CEP57L1: variants seen among roughly 807,000 people sequenced by gnomAD.
CEP57L1 encodes the protein centrosomal protein CEP57L1.
CEP57L1 carries 37 observed loss-of-function variants against 61.0 expected under a neutral mutation model. That is an observed-to-expected ratio of 0.61 (90% CI 0.47 to 0.80). The LOEUF (loss-of-function observed/expected upper bound fraction) is 0.80, where lower values mean the gene tolerates loss of function less well. Among genes scored for constraint, CEP57L1 ranks in the 30% least tolerant of loss-of-function variants. The probability of loss-of-function intolerance (pLI) is 0.00; values close to 1 mark genes in which losing one functional copy is unlikely to be tolerated. For missense variants in CEP57L1, 422 were observed against 524.7 expected (o/e 0.80, Z 1.91); for synonymous variants, 137 against 162.3 (o/e 0.84, Z 1.19).
At chr6:109,152,207 T>G (rs1772687943) in intron 4 of CEP57L1, among the ~76,000 whole-genome samples, 1 of 152,050 alleles carries the variant, frequency 6.6e-6, no homozygotes, top group Non-Finnish European at 1.5e-5. Context: ...GGAGTCAGAG[T>G]TTCACTCTTG....
At chr6:109,147,607 G>A (rs893327913) in intron 3 of CEP57L1, among the ~76,000 whole-genome samples, 1 of 152,086 alleles carries the variant, frequency 6.6e-6, no homozygotes, top group Non-Finnish European at 1.5e-5. Flanking sequence ...ATATTTCTGA[G>A]GTAATTGGAC....
At chr6:109,114,295 T>C (rs1235827002) in intron 1 of CEP57L1, among the ~76,000 whole-genome samples, 1 of 152,194 alleles carries the variant, frequency 6.6e-6, no homozygotes, top group African/African-American at 2.4e-5. Context: ...AATTTTCATT[T>C]CTTTGATGAT....
At chr6:109,111,414 G>A (rs750450929) in intron 1 of CEP57L1, among the ~76,000 whole-genome samples, 2 of 152,300 alleles carry the variant, frequency 1.3e-5, no homozygotes, top group Middle Eastern at 3.4e-3. Flanking sequence ...AGCTTAAGGA[G>A]ATTTTGGGCT....
chr6:109,144,429 G>A (rs1771746177), intron 1 of CEP57L1, among the ~76,000 whole-genome samples: 2 of 152,132 alleles, frequency 1.3e-5, no homozygotes, highest in South Asian at 4.1e-4. Flanking sequence ...ATCACCTTAT[G>A]TGATTATGAA....
At chr6:109,113,227 T>C (rs1161664870) in intron 1 of CEP57L1, among the ~76,000 whole-genome samples, 2 of 151,982 alleles carry the variant, frequency 1.3e-5, no homozygotes, top group African/African-American at 2.4e-5. Context: ...GGTATCTTTA[T>C]TTCTTTAAGC....
intron 1 of CEP57L1, among the ~76,000 whole-genome samples, chr6:109,098,514 A>C (rs1209053167): frequency 1.3e-5 from 2 of 152,082 alleles, no homozygotes; most frequent in Non-Finnish European, 2.9e-5. Flanking sequence ...AGCTCACTGC[A>C]TCCTTGAACT....
At chr6:109,161,479 A>G (rs1371147527) in intron 10 of CEP57L1, among the ~76,000 whole-genome samples, 1 of 152,148 alleles carries the variant, frequency 6.6e-6, no homozygotes, top group Non-Finnish European at 1.5e-5. Flanking sequence ...TAAGTTAGTG[A>G]TATATGAATG....
rs533412499 is a variant in CEP57L1 at position 109,173,411 on chromosome 6, G to A, written c.*10441G>A. Among the ~76,000 whole-genome samples the A allele has an allele frequency of 6.8e-5, 10 of 147,170 alleles. No individual in the cohort carries two copies. In the East Asian group the frequency reaches 1.4e-3, roughly 21 times the overall value. ...CTTTCCTTTCCTTCCCCCTCAGCCC[G>A]CCCCCTACCTTTCTTTTTTTTTTTT... On this transcript the variant is annotated 3_prime_UTR_variant, in exon 11 of 11. Transcript: ENST00000517392.
At chr6:109,135,784 CAT>C (rs200666346) in intron 1 of CEP57L1, among the ~76,000 whole-genome samples, 16,674 of 152,220 alleles carry the variant, frequency 0.11, 988 homozygotes, top group Middle Eastern at 0.21. Flanking sequence ...CAAAAGGAGA[CAT>C]GTATGCAGCC....
chr6:109,165,434 A>T lies in CEP57L1; in HGVS notation c.*2464A>T, dbSNP rs1195128614. On this transcript the variant is annotated 3_prime_UTR_variant, in exon 11 of 11. Coordinates refer to ENST00000517392, the MANE Select transcript of CEP57L1 (RefSeq NM_001271852.3). ...AGTGGCAAAAAAAAAAAAAAAATGTAGAACACATGTTTGCATGGGTTGAAG... is the reference window on the plus strand; with the variant it reads ...AGTGGCAAAAAAAAAAAAAAAATGTTGAACACATGTTTGCATGGGTTGAAG... 1.3e-5 allele frequency among the ~76,000 whole-genome samples: 2 copies of T among 151,860 alleles called. No individual in the cohort carries two copies. The highest frequency in any genetic ancestry group is 2.9e-5 in the Non-Finnish European group (2 of 67,958).
At chr6:109,136,371 C>T (rs961741812) in intron 1 of CEP57L1, among the ~76,000 whole-genome samples, 1 of 152,096 alleles carries the variant, frequency 6.6e-6, no homozygotes, top group Admixed American at 6.5e-5. Flanking sequence ...ACAATGAGAA[C>T]ACTTGGACAC....
intron 1 of CEP57L1, among the ~76,000 whole-genome samples, chr6:109,102,349 C>T (rs1770409647): frequency 6.6e-6 from 1 of 152,192 alleles, no homozygotes; most frequent in African/African-American, 2.4e-5. Flanking sequence ...CATGCACCTC[C>T]ACGCTCAGCT....
At chr6:109,123,412 C>A (rs1207925462) in intron 1 of CEP57L1, among the ~76,000 whole-genome samples, 1 of 152,160 alleles carries the variant, frequency 6.6e-6, no homozygotes, top group African/African-American at 2.4e-5. Context: ...AGTTACTTAA[C>A]TTCTCAGATG....
At chr6:109,113,623 T>C (rs1233802209) in intron 1 of CEP57L1, among the ~76,000 whole-genome samples, 1 of 152,214 alleles carries the variant, frequency 6.6e-6, no homozygotes, top group Non-Finnish European at 1.5e-5. Context: ...CATTATTTTA[T>C]GTATCACAAA....
At chr6:109,149,118 G>C (rs1379998736) in intron 3 of CEP57L1, among the ~76,000 whole-genome samples, 2 of 152,154 alleles carry the variant, frequency 1.3e-5, no homozygotes, top group African/African-American at 4.8e-5. Context: ...AAGCTCTTTA[G>C]TTTAATCAGA....
chr6:109,149,737 C>G (rs1191465988), intron 3 of CEP57L1, among the ~76,000 whole-genome samples: 2 of 152,082 alleles, frequency 1.3e-5, no homozygotes, highest in African/African-American at 2.4e-5. Flanking sequence ...GATATTGATT[C>G]TTCCTACCCA....
Position 109,172,165 on chromosome 6 carries a change from TAGAC to T in CEP57L1, c.*9200_*9203del. Among the ~76,000 whole-genome samples the T allele has an allele frequency of 8.5e-6, 1 of 117,208 alleles. No homozygotes were observed. The highest frequency in any genetic ancestry group is 2.1e-4 in the East Asian group (1 of 4,712). 76.9% of individuals were successfully genotyped at this position (117,208 alleles called of 152,430 possible). A position where few individuals can be genotyped will look rare whatever the true frequency, so the allele number is the denominator to read the frequency against. ...GTTGTCCTTCACCTGTGAAGTCATG[TAGAC>T]AGACCATAATTCTCTCAGCAGACAG... On this transcript the variant is annotated 3_prime_UTR_variant, in exon 11 of 11. Transcript: ENST00000517392.
chr6:109,126,761 A>G (rs1346780268), intron 1 of CEP57L1, among the ~76,000 whole-genome samples: 1 of 152,242 alleles, frequency 6.6e-6, no homozygotes, highest in African/African-American at 2.4e-5. Flanking sequence ...TGAAAATTAG[A>G]TAGCTCTTAT....
chr6:109,148,766 C>T (rs1029668493), intron 3 of CEP57L1, among the ~76,000 whole-genome samples: 10 of 152,150 alleles, frequency 6.6e-5, no homozygotes, highest in African/African-American at 2.4e-4. Context: ...TTCTCCACAT[C>T]CTCTCCAGCA....
Sources: gnomAD v4.1 joint callset for allele counts (sites outside exome capture counted in the v4.1 genomes callset) on GRCh38, gnomAD v4.1.1 for gene constraint, MANE v1.5 for transcripts, NCBI Gene and HGNC (gene_info 2026-07-23, HGNC 2026-07-21) for gene names.